ANKS1B: variants seen among roughly 807,000 people sequenced by gnomAD.
ANKS1B encodes the protein ankyrin repeat and sterile alpha motif domain containing 1B.
A neutral mutation model predicts 148.3 loss-of-function variants in ANKS1B; 36 were observed. The ratio of observed to expected loss-of-function variants is 0.24; its 90% confidence interval spans 0.19 to 0.32. ANKS1B has a LOEUF of 0.32. ANKS1B is among the 10% of genes least tolerant of loss of function. The pLI is 1.00. For missense variants in ANKS1B, 1,157 were observed against 1,542.6 expected (o/e 0.75, Z 4.19); for synonymous variants, 542 against 560.8 (o/e 0.97, Z 0.47).
intron 14 of ANKS1B, among the ~76,000 whole-genome samples, chr12:99,169,692 T>C (rs1479185249): frequency 6.6e-6 from 1 of 152,216 alleles, no homozygotes; most frequent in Non-Finnish European, 1.5e-5. Context: ...GGGAGTCAGC[T>C]TCTATTCTAA....
intron 17 of ANKS1B, among the ~76,000 whole-genome samples, chr12:98,966,686 T>C (rs1215449573): frequency 1.3e-5 from 2 of 152,140 alleles, no homozygotes; most frequent in Non-Finnish European, 2.9e-5. Flanking sequence ...TAAGAAAATG[T>C]GGCACTTATA....
At chr12:99,634,140 T>A (rs964742879) in intron 9 of ANKS1B, among the ~76,000 whole-genome samples, 7 of 152,186 alleles carry the variant, frequency 4.6e-5, no homozygotes, top group Admixed American at 3.9e-4. Context: ...TAATCTCCAA[T>A]GTGGCAGTAT....
intron 17 of ANKS1B, among the ~76,000 whole-genome samples, chr12:98,930,781 G>C (rs891878208): frequency 1.3e-5 from 2 of 152,040 alleles, no homozygotes; most frequent in Non-Finnish European, 2.9e-5. Flanking sequence ...GTGTCTTTTG[G>C]GGATGGTGAG....
chr12:99,679,009 T>C (rs1029761150), intron 8 of ANKS1B, among the ~76,000 whole-genome samples: 43 of 152,198 alleles, frequency 2.8e-4, no homozygotes, highest in African/African-American at 1.0e-3. Flanking sequence ...AAGAAAGAAC[T>C]CTTGAATTTT....
At chr12:98,839,564 A>G (rs963261249) in intron 17 of ANKS1B, among the ~76,000 whole-genome samples, 1 of 152,124 alleles carries the variant, frequency 6.6e-6, no homozygotes, top group Non-Finnish European at 1.5e-5. Flanking sequence ...TCTTTTAAGT[A>G]TAACAGAAAC....
At chr12:98,812,274 T>A (rs1335837715) in intron 19 of ANKS1B, among the ~76,000 whole-genome samples, 2 of 152,154 alleles carry the variant, frequency 1.3e-5, no homozygotes, top group Admixed American at 6.5e-5. Flanking sequence ...TATGTTTAGA[T>A]ACACAAATAC....
At chr12:99,463,101 G>GA (rs1755151704) in intron 10 of ANKS1B, among the ~76,000 whole-genome samples, 2 of 152,118 alleles carry the variant, frequency 1.3e-5, no homozygotes, top group Admixed American at 1.3e-4. Flanking sequence ...TTCACACGGT[G>GA]AAAAAAATAC....
At chr12:99,701,374 T>C (rs1777096185) in intron 8 of ANKS1B, among the ~76,000 whole-genome samples, 1 of 152,142 alleles carries the variant, frequency 6.6e-6, no homozygotes, top group Admixed American at 6.5e-5. Flanking sequence ...TGCTGCTGCT[T>C]TTTTTAAATC....
chr12:99,079,313 G>C (rs2048880680), intron 16 of ANKS1B, among the ~76,000 whole-genome samples: 1 of 152,112 alleles, frequency 6.6e-6, no homozygotes, highest in Admixed American at 6.6e-5. Flanking sequence ...AATTTTTTTA[G>C]CCAAAGCCTC....
chr12:99,357,194 T>C (rs1386399805), intron 12 of ANKS1B, among the ~76,000 whole-genome samples: 2 of 152,156 alleles, frequency 1.3e-5, no homozygotes, highest in East Asian at 1.9e-4. Flanking sequence ...GCTTTATTCA[T>C]TTAACATTAT....
chr12:99,173,494 G>A (rs1277929923), intron 14 of ANKS1B, among the ~76,000 whole-genome samples: 1 of 151,926 alleles, frequency 6.6e-6, no homozygotes, highest in Non-Finnish European at 1.5e-5. Context: ...TTCACATGCA[G>A]GAAATTTAAT....
rs375370716 is a variant in ANKS1B at position 99,782,852 on chromosome 12, T to C, written c.670-755A>G. On this transcript the variant is annotated intron_variant, in intron 4 of 26. Transcript: ENST00000683438. ...GATGCTCCTTGACTTCCAATAGGGT[T>C]ACCTCCTGATAAAGCCACCATAAAC... is the stretch of plus-strand genomic sequence containing the variant. Among the ~76,000 whole-genome samples the C allele has an allele frequency of 1.2e-4, 18 of 152,282 alleles. 1 individual carries two copies. The highest frequency in any genetic ancestry group is 7.8e-4 in the Admixed American group (12 of 15,300).
chr12:98,939,245 T>C (rs933523169), intron 17 of ANKS1B, among the ~76,000 whole-genome samples: 1 of 152,228 alleles, frequency 6.6e-6, no homozygotes, highest in African/African-American at 2.4e-5. Flanking sequence ...TCAGAGTGAA[T>C]ATAGCTGGTA....
At chr12:98,752,605 T>A (rs1221443429) in intron 25 of ANKS1B, among the ~76,000 whole-genome samples, 1 of 152,104 alleles carries the variant, frequency 6.6e-6, no homozygotes, top group East Asian at 1.9e-4. Flanking sequence ...GAGACTTGTC[T>A]CAGATATTTT....
chr12:98,978,814 A>AT (rs2153225759), intron 17 of ANKS1B, among the ~76,000 whole-genome samples: 1 of 152,274 alleles, frequency 6.6e-6, no homozygotes, highest in Admixed American at 6.5e-5. Flanking sequence ...ATAATAACAT[A>AT]TTTTTGCTTT....
intron 9 of ANKS1B, among the ~76,000 whole-genome samples, chr12:99,520,326 C>T (rs2096862697): frequency 6.6e-6 from 1 of 152,164 alleles, no homozygotes; most frequent in South Asian, 2.1e-4. Flanking sequence ...ATGCTTAAAG[C>T]ATATTTTCAC....
intron 17 of ANKS1B, among the ~76,000 whole-genome samples, chr12:98,872,683 C>T (rs557907424): frequency 2.2e-4 from 34 of 152,240 alleles, no homozygotes; most frequent in African/African-American, 7.5e-4. Flanking sequence ...AGGGGGCCAT[C>T]GCCAAGCTAA....
chr12:99,825,239 G>A (rs751108812), intron 2 of ANKS1B, 70 bp downstream of exon 2: 42 of 1,323,256 alleles, frequency 3.2e-5, no homozygotes, highest in African/African-American at 1.0e-4. Flanking sequence ...GAAAGGTATC[G>A]TCAAGACATA....
At chr12:99,562,125 C>T (rs2097343013) in intron 9 of ANKS1B, among the ~76,000 whole-genome samples, 2 of 152,136 alleles carry the variant, frequency 1.3e-5, no homozygotes, top group South Asian at 2.1e-4. Flanking sequence ...AGTAGTAATA[C>T]CTTGAAATAA....
Sources: gnomAD v4.1 joint callset for allele counts (sites outside exome capture counted in the v4.1 genomes callset) on GRCh38, gnomAD v4.1.1 for gene constraint, MANE v1.5 for transcripts, NCBI Gene and HGNC (gene_info 2026-07-23, HGNC 2026-07-21) for gene names.